CTNNA3: variants seen among roughly 807,000 people sequenced by gnomAD.
The protein encoded by CTNNA3 is catenin alpha 3.
A neutral mutation model predicts 95.7 loss-of-function variants in CTNNA3; 76 were observed. The observed-to-expected ratio is 0.79, with a 90% CI of 0.66 to 0.96. CTNNA3 has a LOEUF of 0.96. Ranked by LOEUF, CTNNA3 falls within the 40% of genes least tolerant of loss-of-function variation. CTNNA3 has a pLI of 0.00. For synonymous variants in CTNNA3, 431 were observed against 374.4 expected (o/e 1.15, Z -1.74); for missense variants, 1,191 against 1,089.8 (o/e 1.09, Z -1.31).
chr10:67,186,256 C>A (rs985711651), intron 6 of CTNNA3, among the ~76,000 whole-genome samples: 1 of 152,078 alleles, frequency 6.6e-6, no homozygotes, highest in African/African-American at 2.4e-5. Context: ...AAAAAACTGC[C>A]GTGATTTTTG....
chr10:66,730,042 C>T (rs930711331), intron 9 of CTNNA3, among the ~76,000 whole-genome samples: 1 of 149,172 alleles, frequency 6.7e-6, no homozygotes, highest in Non-Finnish European at 1.5e-5. Flanking sequence ...GGAGGCAGAG[C>T]TTGCAGTAAG....
chr10:66,903,272 A>T (rs1172298106), intron 7 of CTNNA3, among the ~76,000 whole-genome samples: 1 of 152,206 alleles, frequency 6.6e-6, no homozygotes, highest in Non-Finnish European at 1.5e-5. Context: ...ACCAACGACA[A>T]AAAACATACA....
intron 9 of CTNNA3, among the ~76,000 whole-genome samples, chr10:66,637,302 T>G (rs891401656): frequency 6.6e-6 from 1 of 152,220 alleles, no homozygotes; most frequent in East Asian, 1.9e-4. Flanking sequence ...TCAATTCTTA[T>G]GTCAAGTAAC....
chr10:66,153,056 A>AC (rs2084286250), intron 13 of CTNNA3, among the ~76,000 whole-genome samples: 1 of 151,894 alleles, frequency 6.6e-6, no homozygotes, highest in African/African-American at 2.4e-5. Flanking sequence ...GATCTATCTT[A>AC]AAGTTTAGTA....
At chr10:67,591,130 T>C (rs1399176636) in intron 3 of CTNNA3, among the ~76,000 whole-genome samples, 1 of 152,108 alleles carries the variant, frequency 6.6e-6, no homozygotes, top group Admixed American at 6.6e-5. Context: ...AAAAGAATGT[T>C]GCAGCTGATT....
intron 5 of CTNNA3, among the ~76,000 whole-genome samples, chr10:67,451,114 C>G (rs951865535): frequency 3.3e-5 from 5 of 151,936 alleles, no homozygotes; most frequent in African/African-American, 7.2e-5. Context: ...GGAGTGGGCT[C>G]CTGATAAAGG....
chr10:66,688,488 CAGTT>C (rs1847383220), intron 9 of CTNNA3, among the ~76,000 whole-genome samples: 1 of 152,108 alleles, frequency 6.6e-6, no homozygotes. Flanking sequence ...TCCTTCTCCT[CAGTT>C]AGGTCAAAGA....
At chr10:67,642,007 A>G (rs966482646) in intron 2 of CTNNA3, among the ~76,000 whole-genome samples, 1 of 152,044 alleles carries the variant, frequency 6.6e-6, no homozygotes, top group Non-Finnish European at 1.5e-5. Context: ...TAAAGCAAAT[A>G]AAAAAACAAT....
chr10:66,366,958 G>T (rs61867317), intron 12 of CTNNA3, among the ~76,000 whole-genome samples: 14,682 of 152,070 alleles, frequency 0.097, 930 homozygotes, highest in Middle Eastern at 0.18. Flanking sequence ...AATTGAAAGG[G>T]TTTGCAAAAT....
At chr10:66,585,218 G>A (rs542073108) in intron 10 of CTNNA3, among the ~76,000 whole-genome samples, 1 of 151,758 alleles carries the variant, frequency 6.6e-6, no homozygotes, top group Non-Finnish European at 1.5e-5. Context: ...CTTATATTTG[G>A]ATATCTATGT....
At chr10:66,204,239 G>A (rs746289814) in intron 13 of CTNNA3, among the ~76,000 whole-genome samples, 3 of 151,984 alleles carry the variant, frequency 2.0e-5, no homozygotes, top group Non-Finnish European at 4.4e-5. Flanking sequence ...AGTGTTCTTT[G>A]GTTGACAATG....
chr10:66,311,296 C>T (rs1272835343), intron 12 of CTNNA3, among the ~76,000 whole-genome samples: 2 of 152,236 alleles, frequency 1.3e-5, no homozygotes, highest in Non-Finnish European at 2.9e-5. Context: ...TTTAGGTTTT[C>T]AGTATTTTTT....
At chr10:66,031,895 T>C (rs1195549196) in intron 15 of CTNNA3, among the ~76,000 whole-genome samples, 1 of 152,152 alleles carries the variant, frequency 6.6e-6, no homozygotes, top group African/African-American at 2.4e-5. Flanking sequence ...AGAAAGCTGA[T>C]GGTTAACAAA....
chr10:66,884,184 A>C (rs759228410), intron 7 of CTNNA3, among the ~76,000 whole-genome samples: 4 of 152,212 alleles, frequency 2.6e-5, no homozygotes, highest in Non-Finnish European at 5.9e-5. Context: ...TGATCCAAAT[A>C]CTTCCTATTA....
intron 5 of CTNNA3, among the ~76,000 whole-genome samples, chr10:67,305,050 G>A (rs926854267): frequency 2.6e-5 from 4 of 152,158 alleles, no homozygotes; most frequent in Non-Finnish European, 5.9e-5. Flanking sequence ...GCCGAGGTGG[G>A]CGGATCACGA....
intron 11 of CTNNA3, among the ~76,000 whole-genome samples, chr10:66,473,111 A>C (rs1432089940): frequency 1.3e-5 from 2 of 151,976 alleles, no homozygotes; most frequent in Non-Finnish European, 2.9e-5. Flanking sequence ...ATAAAATGAG[A>C]GTATTAGCCT....
chr10:66,100,524 G>A (rs2081580943), intron 14 of CTNNA3, among the ~76,000 whole-genome samples: 1 of 152,194 alleles, frequency 6.6e-6, no homozygotes, highest in African/African-American at 2.4e-5. Flanking sequence ...AAACAGTGGT[G>A]AGGTTTTCAC....
At chr10:66,309,647 C>T (rs1209056701) in intron 12 of CTNNA3, among the ~76,000 whole-genome samples, 3 of 132,426 alleles carry the variant, frequency 2.3e-5, no homozygotes, top group South Asian at 2.5e-4. Context: ...GATCGCGCCA[C>T]TGCACTCCAG....
At chr10:67,408,361 C>G (rs1476099323) in intron 5 of CTNNA3, among the ~76,000 whole-genome samples, 1 of 152,104 alleles carries the variant, frequency 6.6e-6, no homozygotes, top group Admixed American at 6.6e-5. Flanking sequence ...GTAACCCAAA[C>G]AGCACAGTAC....
Sources: gnomAD v4.1 joint callset for allele counts (sites outside exome capture counted in the v4.1 genomes callset) on GRCh38, gnomAD v4.1.1 for gene constraint, MANE v1.5 for transcripts, NCBI Gene and HGNC (gene_info 2026-07-23, HGNC 2026-07-21) for gene names.